CSMD1: variants seen among roughly 807,000 people sequenced by gnomAD.
The protein encoded by CSMD1 is CUB and sushi domain-containing protein 1.
Under a neutral mutation model 417.5 loss-of-function variants are expected in CSMD1, and 213 were observed. The observed-to-expected ratio is 0.51, with a 90% CI of 0.46 to 0.57. The LOEUF (loss-of-function observed/expected upper bound fraction) is 0.57. Ranked by LOEUF, CSMD1 falls within the 20% of genes least tolerant of loss-of-function variation. The pLI is 0.00. For missense variants in CSMD1, 6,923 were observed against 4,529.7 expected, an observed-to-expected ratio of 1.53 and a Z score of -15.17; for synonymous variants, 2,862 against 1,736.8, an observed-to-expected ratio of 1.65 and a Z score of -16.11.
intron 2 of CSMD1, among the ~76,000 whole-genome samples, chr8:4,424,029 T>A (rs1195514299): frequency 6.6e-6 from 1 of 152,016 alleles, no homozygotes; most frequent in Non-Finnish European, 1.5e-5. Context: ...TTTAACACCT[T>A]ATATAAAAAT....
At chr8:3,491,000 G>A (rs141191059) in intron 11 of CSMD1, among the ~76,000 whole-genome samples, 32 of 152,204 alleles carry the variant, frequency 2.1e-4, no homozygotes, top group Admixed American at 5.2e-4. Flanking sequence ...TTGGAGAAAC[G>A]TAACAATGTA....
intron 3 of CSMD1, among the ~76,000 whole-genome samples, chr8:4,087,859 C>G (rs895703249): frequency 6.6e-6 from 1 of 152,008 alleles, no homozygotes; most frequent in Non-Finnish European, 1.5e-5. Flanking sequence ...CTTACGTGAC[C>G]TAGGTGAATT....
chr8:3,034,706 C>A (rs773480432), intron 50 of CSMD1, among the ~76,000 whole-genome samples: 14 of 152,086 alleles, frequency 9.2e-5, no homozygotes, highest in Admixed American at 2.0e-4. Context: ...TTTGTTATTT[C>A]TTCCCACAAT....
chr8:4,519,993 A>G (rs1170443226), intron 2 of CSMD1, among the ~76,000 whole-genome samples: 1 of 151,210 alleles, frequency 6.6e-6, no homozygotes, highest in African/African-American at 2.4e-5. Context: ...AAAGGTTATC[A>G]GAGAAATTAT....
intron 23 of CSMD1, among the ~76,000 whole-genome samples, chr8:3,313,036 G>T (rs551072131): frequency 1.3e-5 from 2 of 152,150 alleles, no homozygotes; most frequent in African/African-American, 4.8e-5. Flanking sequence ...TGTAATAGGA[G>T]AATTCTGAAA....
At position 3,052,637 on chromosome 8, in the gene CSMD1, A is replaced by G. The variant is rs1453533522; in HGVS notation, c.7485T>C (p.Cys2495=). Reference sequence around the variant, plus strand: ...CGTTTCCTGGGGATTCTGGGATTCCACAGGACACAGCTGAAAAGAAATGAA... The same window carrying G: ...CGTTTCCTGGGGATTCTGGGATTCCGCAGGACACAGCTGAAAAGAAATGAA... ...SLTPLCQAVS[C]GIPESPGNGS... Residue 2495 remains cysteine, a synonymous_variant, in exon 50 of 70, where the codon TGT becomes TGC. Transcript: ENST00000635120. 12 of 1,607,638 alleles carry G rather than the reference A, an allele frequency of 7.5e-6. No homozygotes were observed. The highest frequency in any genetic ancestry group is 1.0e-5 in the Non-Finnish European group (12 of 1,176,962).
chr8:4,923,117 G>A (rs190791871), intron 1 of CSMD1, among the ~76,000 whole-genome samples: 1 of 152,260 alleles, frequency 6.6e-6, no homozygotes, highest in South Asian at 2.1e-4. Context: ...AATTATACTA[G>A]CATGGAATTA....
chr8:3,264,302 A>G (rs1801282433), intron 26 of CSMD1, among the ~76,000 whole-genome samples: 1 of 152,200 alleles, frequency 6.6e-6, no homozygotes, highest in African/African-American at 2.4e-5. Context: ...TGGAAACCTC[A>G]GGTGGCGTAG....
chr8:3,079,835 G>A (rs755371462), intron 49 of CSMD1, among the ~76,000 whole-genome samples: 2 of 151,782 alleles, frequency 1.3e-5, no homozygotes, highest in Non-Finnish European at 2.9e-5. Flanking sequence ...AACATCATCT[G>A]TGAGCAACAG....
intron 10 of CSMD1, among the ~76,000 whole-genome samples, chr8:3,574,622 G>C (rs569535476): frequency 6.6e-6 from 1 of 152,278 alleles, no homozygotes; most frequent in East Asian, 1.9e-4. Flanking sequence ...AAATACTGTG[G>C]TATTTAAGAA....
chr8:3,547,874 C>G (rs1798742176), intron 10 of CSMD1, among the ~76,000 whole-genome samples: 2 of 152,062 alleles, frequency 1.3e-5, no homozygotes, highest in Non-Finnish European at 2.9e-5. Flanking sequence ...TTTAAAATGT[C>G]ATTTTAAGAA....
intron 13 of CSMD1, among the ~76,000 whole-genome samples, chr8:3,409,092 G>A (rs1449501333): frequency 6.6e-6 from 1 of 152,150 alleles, no homozygotes; most frequent in African/African-American, 2.4e-5. Flanking sequence ...AAGTCACAAA[G>A]GACTCTGTTG....
chr8:3,886,698 CT>C (rs912750915), intron 5 of CSMD1, among the ~76,000 whole-genome samples: 7 of 152,148 alleles, frequency 4.6e-5, no homozygotes, highest in African/African-American at 1.7e-4. Context: ...ATGTTAGACA[CT>C]TATGGAAGTC....
At chr8:3,137,988 G>A (rs1407898931) in intron 41 of CSMD1, among the ~76,000 whole-genome samples, 1 of 152,224 alleles carries the variant, frequency 6.6e-6, no homozygotes, top group Non-Finnish European at 1.5e-5. Context: ...ACTTTGGGAG[G>A]ATGAGGAGGG....
At chr8:4,680,710 G>A (rs1044093636) in intron 1 of CSMD1, among the ~76,000 whole-genome samples, 2 of 152,062 alleles carry the variant, frequency 1.3e-5, no homozygotes, top group South Asian at 2.1e-4. Flanking sequence ...CTCCCGAGTA[G>A]CTGGGATTAC....
At chr8:4,712,896 C>G (rs756158722) in intron 1 of CSMD1, among the ~76,000 whole-genome samples, 8 of 152,048 alleles carry the variant, frequency 5.3e-5, no homozygotes, top group Non-Finnish European at 8.8e-5. Context: ...TGGAAGAAGA[C>G]AATTTTCAAA....
intron 18 of CSMD1, among the ~76,000 whole-genome samples, chr8:3,374,374 T>C (rs78956896): frequency 1.6e-4 from 24 of 152,330 alleles, no homozygotes; most frequent in East Asian, 9.7e-4. Context: ...CAAACACTCA[T>C]TGATGCTTCT....
At chr8:3,511,912 A>G (rs1270038333) in intron 10 of CSMD1, among the ~76,000 whole-genome samples, 2 of 152,122 alleles carry the variant, frequency 1.3e-5, no homozygotes, top group Admixed American at 6.5e-5. Context: ...CAAATTAAAA[A>G]AAAAAAAACG....
chr8:3,034,056 C>G (rs1019120523), intron 50 of CSMD1, among the ~76,000 whole-genome samples: 2 of 152,242 alleles, frequency 1.3e-5, no homozygotes, highest in Admixed American at 6.5e-5. Flanking sequence ...CTTTTTCTAT[C>G]AGTGCTGCTG....
Sources: gnomAD v4.1 joint callset for allele counts (sites outside exome capture counted in the v4.1 genomes callset) on GRCh38, gnomAD v4.1.1 for gene constraint, MANE v1.5 for transcripts, NCBI Gene and HGNC (gene_info 2026-07-23, HGNC 2026-07-21) for gene names.